CEP162: variants seen among roughly 807,000 people sequenced by gnomAD.
The protein encoded by CEP162 is centrosomal protein 162.
CEP162 carries 141 observed loss-of-function variants against 169.2 expected under a neutral mutation model. The ratio of observed to expected loss-of-function variants is 0.83; its 90% CI spans 0.73 to 0.96. The LOEUF (loss-of-function observed/expected upper bound fraction) is 0.96. Among genes scored for constraint, CEP162 ranks in the 40% least tolerant of loss-of-function variants. CEP162 has a pLI of 0.00. For missense variants in CEP162, 1,600 were observed against 1,587.2 expected (o/e 1.01, Z -0.14); for synonymous variants, 540 against 526.4 (o/e 1.03, Z -0.35).
At chr6:84,175,715 C>T (rs1416556718) in intron 13 of CEP162, among the ~76,000 whole-genome samples, 3 of 152,080 alleles carry the variant, frequency 2.0e-5, no homozygotes, top group African/African-American at 7.2e-5. Context: ...TTCTAAATGA[C>T]AAATCAAGGA....
intron 7 of CEP162, among the ~76,000 whole-genome samples, chr6:84,203,164 A>G (rs2099545328): frequency 6.6e-6 from 1 of 152,200 alleles, no homozygotes; most frequent in Non-Finnish European, 1.5e-5. Context: ...GTAGCCCTGA[A>G]CAATTCTTGG....
At chr6:84,179,150 A>G (rs2099533662) in intron 13 of CEP162, among the ~76,000 whole-genome samples, 2 of 152,188 alleles carry the variant, frequency 1.3e-5, no homozygotes, top group African/African-American at 2.4e-5. Flanking sequence ...TAGTAGAATG[A>G]TTTATAATCC....
chr6:84,201,102 C>T (rs1397211489), intron 8 of CEP162, among the ~76,000 whole-genome samples, 197 bp from the exon 9 acceptor site: 2 of 152,130 alleles, frequency 1.3e-5, no homozygotes, highest in Non-Finnish European at 2.9e-5. Flanking sequence ...CACGGTGAAA[C>T]CCCGTCTCTA....
intron 22 of CEP162, among the ~76,000 whole-genome samples, chr6:84,153,962 T>G (rs1026544765): frequency 6.6e-6 from 1 of 152,134 alleles, no homozygotes; most frequent in Admixed American, 6.6e-5. Context: ...GTGGGAAGAC[T>G]GCACAGAGAT....
chr6:84,220,844 G>A (rs2099553444), intron 3 of CEP162, among the ~76,000 whole-genome samples: 1 of 151,974 alleles, frequency 6.6e-6, no homozygotes, highest in Admixed American at 6.6e-5. Flanking sequence ...TTATCTCCAT[G>A]TAAAATAAGC....
intron 19 of CEP162, 79 bp downstream of exon 19, chr6:84,163,065 C>A: frequency 1.5e-6 from 2 of 1,340,678 alleles, no homozygotes; most frequent in Non-Finnish European, 2.1e-6. Context: ...TTGATTATAC[C>A]ATTCAATTTC....
chr6:84,220,269 T>C (rs944123525), intron 3 of CEP162, among the ~76,000 whole-genome samples: 1 of 152,108 alleles, frequency 6.6e-6, no homozygotes, highest in Non-Finnish European at 1.5e-5. Context: ...ACAAATGGTG[T>C]GAATGTAGGT....
At chr6:84,175,097 A>G in intron 14 of CEP162, 117 bp downstream of exon 14, 1 of 847,082 alleles carries the variant, frequency 1.2e-6, no homozygotes, top group Non-Finnish European at 1.8e-6. Flanking sequence ...AAGAGTGATT[A>G]CAGTATCACT....
rs116847935 is a variant in CEP162, at chr6:84,225,036, C to T, written c.57+1301G>A. The stretch of plus-strand genomic sequence containing the variant: ...AAGAAGGCATTATTTTTCCATGAGA[C>T]GGATAATGAAGTTTTTTTGTACTAC... On this transcript the variant is annotated intron_variant, in intron 2 of 26. Coordinates refer to ENST00000403245, the MANE Select transcript of CEP162 (RefSeq NM_014895.4). Among the ~76,000 whole-genome samples, 31 of 152,204 alleles carry T rather than the reference C, an allele frequency of 2.0e-4. No individual in the cohort carries two copies. In the East Asian group the frequency reaches 3.9e-3, roughly 19 times the overall value.
At chr6:84,126,918 T>C (rs1027947593) in intron 25 of CEP162, among the ~76,000 whole-genome samples, 1 of 152,222 alleles carries the variant, frequency 6.6e-6, no homozygotes, top group Non-Finnish European at 1.5e-5. Flanking sequence ...TCAATGAATA[T>C]GTATTTTTCT....
intron 3 of CEP162, among the ~76,000 whole-genome samples, chr6:84,216,254 C>T (rs2099551497): frequency 6.6e-6 from 1 of 152,126 alleles, no homozygotes; most frequent in Non-Finnish European, 1.5e-5. Flanking sequence ...CTGTTCTTTA[C>T]ATTTCTCAGA....
intron 16 of CEP162, among the ~76,000 whole-genome samples, chr6:84,172,089 T>C (rs1268120354): frequency 1.3e-5 from 2 of 151,478 alleles, no homozygotes; most frequent in African/African-American, 2.5e-5. Flanking sequence ...TTTACATTCT[T>C]TTCTGTTTCT....
Position 84,193,942 on chromosome 6 carries a change from A to G in CEP162, c.1028-252T>C, listed in dbSNP as rs544689940. 4.4e-4 allele frequency among the ~76,000 whole-genome samples: 67 copies of G among 152,360 alleles called. 1 individual carries two copies. The highest frequency in any genetic ancestry group is 3.4e-3 in the Middle Eastern group (1 of 294). The stretch of plus-strand genomic sequence containing the variant: ...ATCTATACATACACACACGCTAAGT[A>G]CATATTTGGTTGATCCTGAAATACT... On this transcript the variant is annotated intron_variant, in intron 10 of 26. Coordinates refer to ENST00000403245, the MANE Select transcript of CEP162 (RefSeq NM_014895.4).
intron 6 of CEP162, among the ~76,000 whole-genome samples, chr6:84,211,030 A>G (rs2099549204): frequency 6.6e-6 from 1 of 152,198 alleles, no homozygotes; most frequent in African/African-American, 2.4e-5. Context: ...TCCAATAAAA[A>G]ATTACTAGAC....
chr6:84,211,956 T>A, intron 6 of CEP162, among the ~76,000 whole-genome samples: 1 of 141,410 alleles, frequency 7.1e-6, no homozygotes, highest in Non-Finnish European at 1.5e-5. Context: ...ATATACAAAA[T>A]CACAATAATA....
At chr6:84,183,150 T>C (rs1320963412) in intron 13 of CEP162, among the ~76,000 whole-genome samples, 1 of 152,178 alleles carries the variant, frequency 6.6e-6, no homozygotes, top group Non-Finnish European at 1.5e-5. Flanking sequence ...ATTTTAATAA[T>C]GTGTTTTTTT....
chr6:84,155,644 C>A, intron 21 of CEP162, 134 bp from the exon 22 acceptor site: 1 of 628,124 alleles, frequency 1.6e-6, no homozygotes, highest in Non-Finnish European at 2.7e-6. Context: ...TGCTGAGGAC[C>A]AAATCAAGAA....
intron 7 of CEP162, 39 bp from the exon 8 acceptor site, chr6:84,201,806 C>A: frequency 9.2e-7 from 1 of 1,085,586 alleles, no homozygotes. Context: ...GTTTTGAAAC[C>A]AAAATTATGT....
intron 26 of CEP162, among the ~76,000 whole-genome samples, chr6:84,125,523 G>A (rs1262972659): frequency 1.3e-5 from 2 of 152,034 alleles, no homozygotes; most frequent in African/African-American, 4.8e-5. Context: ...GACTGTATGT[G>A]GAGTAAGGAA....
Sources: allele counts gnomAD v4.1 joint callset (sites outside exome capture counted in the v4.1 genomes callset), GRCh38; gene constraint gnomAD v4.1.1; transcripts MANE v1.5; gene names NCBI Gene and HGNC (gene_info 2026-07-23, HGNC 2026-07-21).